The following HS6ST2 variants were observed in gnomAD, a reference collection of about 807,000 sequenced individuals.
The protein encoded by HS6ST2 is heparan-sulfate 6-O-sulfotransferase 2.
A neutral mutation model predicts 33.0 loss-of-function variants in HS6ST2; 17 were observed. That is an observed-to-expected ratio of 0.52 (90% confidence interval 0.35 to 0.77). The LOEUF is 0.77. HS6ST2 is among the 30% of genes least tolerant of loss of function. The pLI is 0.01. For synonymous variants in HS6ST2, 248 were observed against 237.1 expected (o/e 1.05, Z -0.42); for missense variants, 519 against 551.7 (o/e 0.94, Z 0.59).
intron 2 of HS6ST2, among the ~76,000 whole-genome samples, chrX:132,789,631 G>A (rs1397133585): frequency 8.9e-6 from 1 of 112,450 alleles, no homozygotes; most frequent in Non-Finnish European, 1.9e-5. Flanking sequence ...ATGGATCTGG[G>A]AAAAGTAAAG....
intron 2 of HS6ST2, among the ~76,000 whole-genome samples, chrX:132,709,406 G>A (rs1474414415): frequency 8.9e-6 from 1 of 111,944 alleles, no homozygotes; most frequent in East Asian, 2.8e-4. Context: ...TTAGAAGTGA[G>A]TTAAGAGAGC....
intron 2 of HS6ST2, among the ~76,000 whole-genome samples, chrX:132,860,141 T>G (rs2065897315): frequency 8.9e-6 from 1 of 111,943 alleles, no homozygotes. Context: ...GTTGATTTTT[T>G]CCCCTACGGG....
rs1237863942 is a variant in HS6ST2 at position 132,733,988 on chromosome X, T to TA, written c.948-25495dup. ...ACCTATATTTTAGGGTCATGTGAAGTAAAAAAAAAAGCAACAGTCTAGGAA... is the reference window on the plus strand; with the variant it reads ...ACCTATATTTTAGGGTCATGTGAAGTAAAAAAAAAAAGCAACAGTCTAGGAA... On this transcript the variant is annotated intron_variant, in intron 2 of 4. Coordinates refer to ENST00000370833, the MANE Select transcript of HS6ST2 (RefSeq NM_001394073.1). Among the ~76,000 whole-genome samples the TA allele has an allele frequency of 3.0e-4, 29 of 95,171 alleles. No homozygotes were observed. In the South Asian group the frequency reaches 3.2e-3, roughly 11 times the overall value. The allele number at this position is 95,171 out of a possible 115,157, so 82.6% of individuals were successfully genotyped here.
chrX:132,884,520 C>G, intron 2 of HS6ST2, among the ~76,000 whole-genome samples: 1 of 111,707 alleles, frequency 9.0e-6, no homozygotes, highest in Middle Eastern at 4.6e-3. Context: ...ATGACTATTC[C>G]ACAAGACACT....
rs2063837352 is a variant in HS6ST2 at position 132,669,194 on chromosome X, T to C, written c.986A>G (p.Asp329Gly). Residue 329 changes from aspartate to glycine, a missense_variant, in exon 4 of 5, where the codon GAT becomes GGT. By Grantham distance (94) the Asp-to-Gly change is moderately conservative. Transcript: ENST00000370833. The stretch of plus-strand genomic sequence containing the variant: ...GTTAGTGTTTGGAGAACCCCGTTTA[T>C]CCTTACTATACCCACAGAAAGAATA... ...IFQILDAASK[D>G]KRGSPNTNAG... 8.3e-7 allele frequency: 1 copy of C among 1,203,640 alleles called. No individual in the cohort carries two copies. Among genetic ancestry groups the C allele is most frequent in the African/African-American group, 1.8e-5 (1 of 56,769 alleles).
intron 2 of HS6ST2, among the ~76,000 whole-genome samples, chrX:132,922,184 C>T (rs1404632017): frequency 9.0e-6 from 1 of 111,643 alleles, no homozygotes; most frequent in Non-Finnish European, 1.9e-5. Context: ...AGGCGGATCA[C>T]GAGGTCAGGA....
At chrX:132,670,607 G>A (rs1209803748) in intron 3 of HS6ST2, among the ~76,000 whole-genome samples, 1 of 111,393 alleles carries the variant, frequency 9.0e-6, no homozygotes, top group Non-Finnish European at 1.9e-5. Flanking sequence ...AGACCAGCCT[G>A]GCCAACATAG....
intron 3 of HS6ST2, among the ~76,000 whole-genome samples, chrX:132,705,005 G>A (rs1300800095): frequency 8.9e-6 from 1 of 111,801 alleles, no homozygotes; most frequent in Admixed American, 9.5e-5. Context: ...GCTCCGGAAT[G>A]AATTAAGGGT....
At chrX:132,715,072 C>G (rs146885243) in intron 2 of HS6ST2, among the ~76,000 whole-genome samples, 2 of 111,924 alleles carry the variant, frequency 1.8e-5, no homozygotes, top group South Asian at 7.6e-4. Flanking sequence ...ATAGAGTCAC[C>G]TTCTACCCCA....
chrX:132,838,034 T>C (rs2065662301), intron 2 of HS6ST2, among the ~76,000 whole-genome samples: 1 of 112,247 alleles, frequency 8.9e-6, no homozygotes, highest in Non-Finnish European at 1.9e-5. Context: ...GCAGCATGTT[T>C]TACAGCAATT....
rs183705079 is a variant in HS6ST2, at chrX:132,883,334, A to G, written c.947+73474T>C. Among the ~76,000 whole-genome samples, 263 of 111,286 alleles carry G rather than the reference A, an allele frequency of 2.4e-3. 1 individual carries two copies. The highest frequency in any genetic ancestry group is 4.7e-3 in the Middle Eastern group (1 of 214). ...TGTTATTGGTCTATTCAGGGATTCA[A>G]CTTCTTCCTGGTTTAGTCTTGGGAG... On this transcript the variant is annotated intron_variant, in intron 2 of 4. Coordinates refer to ENST00000370833, the MANE Select transcript of HS6ST2 (RefSeq NM_001394073.1).
At chrX:132,802,920 T>C (rs767805197) in intron 2 of HS6ST2, among the ~76,000 whole-genome samples, 2 of 110,596 alleles carry the variant, frequency 1.8e-5, no homozygotes, top group South Asian at 7.9e-4. Context: ...GGGGTCTCCC[T>C]AGAGGAAATT....
intron 2 of HS6ST2, among the ~76,000 whole-genome samples, chrX:132,773,687 C>A (rs191444058): frequency 3.6e-4 from 40 of 112,041 alleles, no homozygotes; most frequent in Non-Finnish European, 6.0e-4. Flanking sequence ...CAGGGATGCA[C>A]CTTGAAAACA....
intron 2 of HS6ST2, among the ~76,000 whole-genome samples, chrX:132,870,617 A>C (rs2066048294): frequency 9.0e-6 from 1 of 111,660 alleles, no homozygotes; most frequent in Non-Finnish European, 1.9e-5. Flanking sequence ...AATACCACAC[A>C]TCTACAGCCA....
intron 2 of HS6ST2, among the ~76,000 whole-genome samples, chrX:132,776,465 T>G (rs754115335): frequency 8.9e-6 from 1 of 112,055 alleles, no homozygotes; most frequent in South Asian, 3.8e-4. Context: ...TGATGTCTAG[T>G]GCACACAAAG....
chrX:132,927,540 C>T (rs900525368), intron 2 of HS6ST2, among the ~76,000 whole-genome samples: 4 of 111,709 alleles, frequency 3.6e-5, no homozygotes, highest in African/African-American at 9.8e-5. Flanking sequence ...AGCAACACTT[C>T]CTCTTGAAAC....
intron 4 of HS6ST2, among the ~76,000 whole-genome samples, chrX:132,651,058 T>A (rs2063688727): frequency 8.9e-6 from 1 of 112,007 alleles, no homozygotes; most frequent in African/African-American, 3.3e-5. Context: ...TGAGCCACCA[T>A]GCCCAGCTGG....
At chrX:132,683,360 T>C (rs1159928203) in intron 3 of HS6ST2, among the ~76,000 whole-genome samples, 1 of 111,875 alleles carries the variant, frequency 8.9e-6, no homozygotes, top group Admixed American at 9.5e-5. Flanking sequence ...ACAGAGCCTT[T>C]GTTTCCTGCT....
At chrX:132,809,380 C>T (rs1429060783) in intron 2 of HS6ST2, among the ~76,000 whole-genome samples, 1 of 112,274 alleles carries the variant, frequency 8.9e-6, no homozygotes, top group Non-Finnish European at 1.9e-5. Flanking sequence ...TTATCCTGCT[C>T]AATCAGAATC....
Sources: allele counts gnomAD v4.1 joint callset (sites outside exome capture counted in the v4.1 genomes callset), GRCh38; gene constraint gnomAD v4.1.1; transcripts MANE v1.5; gene names NCBI Gene and HGNC (gene_info 2026-07-23, HGNC 2026-07-21).